TOGARAM1: variants seen among roughly 807,000 people sequenced by gnomAD.
TOGARAM1 encodes TOG array regulator of axonemal microtubules protein 1.
In TOGARAM1, 100 loss-of-function variants were observed where a neutral mutation model predicts 166.6. The observed-to-expected ratio is 0.60, with a 90% CI of 0.51 to 0.71. The LOEUF is 0.71. TOGARAM1 is among the 30% of genes least tolerant of loss of function. The pLI is 0.00. For missense variants in TOGARAM1, 2,029 were observed against 2,102.7 expected, an observed-to-expected ratio of 0.96 and a Z score of 0.69; for synonymous variants, 758 against 763.8, an observed-to-expected ratio of 0.99 and a Z score of 0.13.
intron 16 of TOGARAM1, among the ~76,000 whole-genome samples, chr14:45,060,174 T>C (rs1266821743): frequency 6.7e-6 from 1 of 149,400 alleles, no homozygotes; most frequent in Non-Finnish European, 1.5e-5. Context: ...CATCTCAGCC[T>C]CCCAAAGTGC....
Position 45,042,905 on chromosome 14 carries a change from G to C in TOGARAM1, c.3813-781G>C, listed in dbSNP as rs980181616. Among the ~76,000 whole-genome samples the C allele has an allele frequency of 2.6e-5, 4 of 152,266 alleles. No homozygotes were observed. The South Asian group carries it at 8.3e-4, about 32-fold the overall frequency. On this transcript the variant is annotated intron_variant, in intron 11 of 19. Coordinates refer to ENST00000361462, the MANE Select transcript of TOGARAM1 (RefSeq NM_001308120.2). The stretch of plus-strand genomic sequence containing the variant: ...GTAAATATTACTGCTCATTGACAGT[G>C]TACCCGGTCACTCAGGAGCTCTGAT...
intron 1 of TOGARAM1, among the ~76,000 whole-genome samples, chr14:44,992,648 C>A (rs368377290): frequency 7.7e-6 from 1 of 129,450 alleles, no homozygotes; most frequent in Non-Finnish European, 1.6e-5. Context: ...AGATGAGTCT[C>A]CCTCTGCCTC....
At position 45,046,761 on chromosome 14, in the gene TOGARAM1, A is replaced by C. The variant is rs75513672; in HGVS notation, c.4313+58A>C. 1.6e-3 allele frequency: 1,951 copies of C among 1,216,268 alleles called. 21 individuals are homozygous for C. The African/African-American group carries it at 0.025, about 16-fold the overall frequency. The allele number at this position is 1,216,268 out of a possible 1,614,324, so 75.3% of individuals were successfully genotyped here. On this transcript the variant is annotated intron_variant, in intron 14 of 19. Coordinates refer to ENST00000361462, the MANE Select transcript of TOGARAM1 (RefSeq NM_001308120.2). The stretch of plus-strand genomic sequence containing the variant: ...ATTAATAAGGGCTTAAAAGTAGGAA[A>C]AGAAAGAAAGTTTAAAGAAGAATGA...
intron 7 of TOGARAM1, among the ~76,000 whole-genome samples, chr14:45,017,351 A>C (rs560201445): frequency 6.6e-6 from 1 of 152,124 alleles, no homozygotes; most frequent in East Asian, 1.9e-4. Context: ...GTTAAACACT[A>C]GGGAATTTCT....
intron 9 of TOGARAM1, 52 bp downstream of exon 9, chr14:45,027,526 T>C (rs1232809209): frequency 8.5e-6 from 12 of 1,406,784 alleles, no homozygotes; most frequent in Non-Finnish European, 1.1e-5. Flanking sequence ...AGTATGTCAT[T>C]GTTTTGTGTA....
chr14:45,027,344 C>A lies in TOGARAM1; in HGVS notation c.3374C>A (p.Ser1125Ter), dbSNP rs755768974. Residue 1125 changes from serine to a stop codon, truncating the protein, a stop_gained, in exon 9 of 20, where the codon TCA (serine) becomes TAA (stop). Transcript: ENST00000361462. LOFTEE classifies it high-confidence loss of function. ...TCAGCACCAGCAACCTGCAGCCAAT[C>A]AGTGATATCTTCTGTGGAAAATGGG... Reference protein sequence around the residue: ...LSSAPATCSQSVISSVENGDT... With the variant: ...LSSAPATCSQ 6.2e-7 allele frequency: 1 copy of A among 1,613,246 alleles called. No individual in the cohort carries two copies. The highest frequency in any genetic ancestry group is 1.1e-5 in the South Asian group (1 of 90,786).
Position 44,999,407 on chromosome 14 carries a change from C to G in TOGARAM1, c.2248C>G (p.Gln750Glu), listed in dbSNP as rs1432088117. The change falls in exon 3 of 20, where the codon CAA becomes GAA. Residue 750 changes from glutamine to glutamate, a missense_variant. Physicochemically the swap from Gln to Glu is conservative, Grantham distance 29 (BLOSUM62 2). Transcript: ENST00000361462. ...AACAAATCTTTCTGGGAAATGTGCA[C>G]AACTTGGATTTTCACAAATATGTGG... ...HQTNLSGKCA[Q>E]LGFSQICGKT... 3.1e-6 allele frequency: 5 copies of G among 1,610,486 alleles called. No individual in the cohort carries two copies. Among genetic ancestry groups the G allele is most frequent in the Non-Finnish European group, 2.5e-6 (3 of 1,177,882 alleles).
chr14:45,038,071 C>T (rs1347177788), intron 11 of TOGARAM1, among the ~76,000 whole-genome samples: 1 of 152,006 alleles, frequency 6.6e-6, no homozygotes, highest in Admixed American at 6.6e-5. Flanking sequence ...GACAACACTT[C>T]TTTGTATGTA....
chr14:45,036,576 G>C (rs561037305), intron 11 of TOGARAM1, among the ~76,000 whole-genome samples: 1 of 152,266 alleles, frequency 6.6e-6, no homozygotes, highest in South Asian at 2.1e-4. Flanking sequence ...ATTTTATATT[G>C]TTATGTAACA....
At chr14:45,012,115 G>C (rs959682169) in intron 7 of TOGARAM1, 40 bp downstream of exon 7, 2 of 1,293,990 alleles carry the variant, frequency 1.5e-6, no homozygotes, top group African/African-American at 1.5e-5. Context: ...TATAAAATAT[G>C]ATTTTCAAAT....
At chr14:45,060,032 C>G (rs1343774584) in intron 16 of TOGARAM1, among the ~76,000 whole-genome samples, 1 of 151,284 alleles carries the variant, frequency 6.6e-6, no homozygotes, top group African/African-American at 2.4e-5. Context: ...CCTTTCCCAG[C>G]CTCCTGAGTA....
chr14:45,024,510 A>G (rs997188079), intron 7 of TOGARAM1, among the ~76,000 whole-genome samples: 2 of 152,196 alleles, frequency 1.3e-5, no homozygotes, highest in Admixed American at 1.3e-4. Flanking sequence ...TTATAAATGA[A>G]GTTAAACTCA....
At chr14:45,005,081 A>G (rs1161850037) in intron 4 of TOGARAM1, among the ~76,000 whole-genome samples, 1 of 151,642 alleles carries the variant, frequency 6.6e-6, no homozygotes, top group African/African-American at 2.4e-5. Flanking sequence ...ATGCCCGGCT[A>G]ATTTTGTATT....
intron 1 of TOGARAM1, 146 bp downstream of exon 1, chr14:44,964,613 CATT>C: frequency 1.1e-6 from 1 of 926,780 alleles, no homozygotes; most frequent in Non-Finnish European, 1.6e-6. Flanking sequence ...TGTTGGTACT[CATT>C]ATAATGGTAC....
intron 11 of TOGARAM1, among the ~76,000 whole-genome samples, chr14:45,043,177 T>C (rs1881812860): frequency 6.6e-6 from 1 of 151,798 alleles, no homozygotes; most frequent in Non-Finnish European, 1.5e-5. Flanking sequence ...ATTGCACTTT[T>C]ATTTTTTTTT....
At chr14:45,030,234 A>G (rs1310654553) in intron 10 of TOGARAM1, among the ~76,000 whole-genome samples, 7 of 152,318 alleles carry the variant, frequency 4.6e-5, no homozygotes, top group Non-Finnish European at 1.0e-4. Context: ...CAAAATAAAG[A>G]TAGGTGATAG....
intron 14 of TOGARAM1, among the ~76,000 whole-genome samples, chr14:45,049,193 C>T (rs1377447109): frequency 6.6e-6 from 1 of 151,268 alleles, no homozygotes; most frequent in African/African-American, 2.4e-5. Flanking sequence ...TTTAAGCCAG[C>T]AATAACATGT....
intron 1 of TOGARAM1, among the ~76,000 whole-genome samples, chr14:44,979,553 G>A (rs1225226141): frequency 6.6e-6 from 1 of 152,186 alleles, no homozygotes; most frequent in African/African-American, 2.4e-5. Context: ...CACTTATTCA[G>A]ACTATTGCAG....
intron 1 of TOGARAM1, among the ~76,000 whole-genome samples, chr14:44,969,780 G>A (rs1362735997): frequency 6.6e-6 from 1 of 152,080 alleles, no homozygotes; most frequent in Non-Finnish European, 1.5e-5. Context: ...ATGTTCAGTT[G>A]TTGCAGCACC....
Sources: gnomAD v4.1 joint callset for allele counts (sites outside exome capture counted in the v4.1 genomes callset) on GRCh38, gnomAD v4.1.1 for gene constraint, MANE v1.5 for transcripts, NCBI Gene and HGNC (gene_info 2026-07-23, HGNC 2026-07-21) for gene names.